The following CREB5 variants were observed in gnomAD, a reference collection of about 807,000 sequenced individuals.
CREB5 encodes cyclic AMP-responsive element-binding protein 5.
A neutral mutation model predicts 57.1 loss-of-function variants in CREB5; 19 were observed. The ratio of observed to expected loss-of-function variants is 0.33; its 90% CI spans 0.23 to 0.49. The LOEUF (loss-of-function observed/expected upper bound fraction) is 0.49. Ranked by LOEUF, CREB5 falls within the 20% of genes least tolerant of loss-of-function variation. The pLI, the probability that CREB5 is intolerant of heterozygous loss-of-function variation, is 0.99. For synonymous variants in CREB5, 238 were observed against 238.3 expected, an observed-to-expected ratio of 1.00 and a Z score of 0.01; for missense variants, 579 against 671.6, an observed-to-expected ratio of 0.86 and a Z score of 1.52.
At chr7:28,758,011 T>C (rs1562620951) in intron 7 of CREB5, among the ~76,000 whole-genome samples, 1 of 152,102 alleles carries the variant, frequency 6.6e-6, no homozygotes, top group Non-Finnish European at 1.5e-5. Flanking sequence ...ATTGTAACAG[T>C]AGTCGTTTTG....
At chr7:28,323,525 C>A (rs1383589037) in intron 1 of CREB5, among the ~76,000 whole-genome samples, 1 of 152,130 alleles carries the variant, frequency 6.6e-6, no homozygotes, top group Non-Finnish European at 1.5e-5. Flanking sequence ...AGTGCCCCTT[C>A]ATCCTCTCAA....
chr7:28,536,032 T>A (rs1050050314), intron 4 of CREB5, among the ~76,000 whole-genome samples: 2 of 152,182 alleles, frequency 1.3e-5, no homozygotes, highest in Non-Finnish European at 2.9e-5. Context: ...CCCTGGGTCT[T>A]TCTTGTGCCT....
chr7:28,719,014 T>C (rs1802867220), intron 6 of CREB5, 135 bp downstream of exon 6: 1 of 1,399,654 alleles, frequency 7.1e-7, no homozygotes, highest in Non-Finnish European at 9.6e-7. Context: ...GGTTGAGCTG[T>C]GTGCAATTTT....
chr7:28,817,146 G>C (rs1809486904), intron 9 of CREB5, among the ~76,000 whole-genome samples: 1 of 152,078 alleles, frequency 6.6e-6, no homozygotes, highest in Admixed American at 6.5e-5. Flanking sequence ...TATTGAGGGG[G>C]GAAAGAGTAT....
intron 7 of CREB5, among the ~76,000 whole-genome samples, chr7:28,749,700 T>C (rs1804873171): frequency 6.6e-6 from 1 of 152,234 alleles, no homozygotes; most frequent in Non-Finnish European, 1.5e-5. Flanking sequence ...TACAACAATG[T>C]CCATAATGAT....
chr7:28,635,710 T>C (rs1351152566), intron 5 of CREB5, among the ~76,000 whole-genome samples: 1 of 152,262 alleles, frequency 6.6e-6, no homozygotes, highest in Non-Finnish European at 1.5e-5. Flanking sequence ...TTTATTATTG[T>C]ACCCACCTGT....
chr7:28,350,522 A>G (rs4722785), intron 1 of CREB5, among the ~76,000 whole-genome samples: 116,937 of 151,284 alleles, frequency 0.77, 45,622 homozygotes, highest in Non-Finnish European at 0.83. Context: ...ATAGTGATTG[A>G]TTCAGGGAGA....
intron 4 of CREB5, among the ~76,000 whole-genome samples, chr7:28,561,019 T>TGTGTGTGCGTGC (rs1562798620): frequency 9.6e-5 from 3 of 31,376 alleles, no homozygotes; most frequent in South Asian, 1.2e-3. Flanking sequence ...TGTGTGTGCG[T>TGTGTGTGCGTGC]GTGTGCGTGT....
chr7:28,632,538 T>C (rs1215258582), intron 5 of CREB5, among the ~76,000 whole-genome samples: 1 of 152,206 alleles, frequency 6.6e-6, no homozygotes, highest in Non-Finnish European at 1.5e-5. Flanking sequence ...TTTTGTTCTT[T>C]AAAAGTTTTG....
At chr7:28,657,855 T>C (rs1053332563) in intron 5 of CREB5, among the ~76,000 whole-genome samples, 1 of 151,948 alleles carries the variant, frequency 6.6e-6, no homozygotes, top group Non-Finnish European at 1.5e-5. Flanking sequence ...CTCATTAGAG[T>C]ACAGTTATAA....
chr7:28,378,119 C>G (rs1227860208), intron 1 of CREB5, among the ~76,000 whole-genome samples: 1 of 152,030 alleles, frequency 6.6e-6, no homozygotes, highest in Non-Finnish European at 1.5e-5. Context: ...ACTGGTTGGT[C>G]ATAGATGGGC....
intron 1 of CREB5, among the ~76,000 whole-genome samples, chr7:28,477,694 A>G (rs560668632): frequency 6.6e-6 from 1 of 152,158 alleles, no homozygotes; most frequent in Non-Finnish European, 1.5e-5. Flanking sequence ...TTTTCCTTCC[A>G]TGTGCTTTTT....
chr7:28,394,106 A>T (rs953109657), intron 1 of CREB5, among the ~76,000 whole-genome samples: 1 of 136,892 alleles, frequency 7.3e-6, no homozygotes, highest in South Asian at 2.4e-4. Context: ...AAAAAAAAAA[A>T]GTGGACTTGG....
intron 1 of CREB5, among the ~76,000 whole-genome samples, chr7:28,388,776 A>G (rs1437428005): frequency 6.6e-6 from 1 of 152,228 alleles, no homozygotes; most frequent in Non-Finnish European, 1.5e-5. Context: ...TAGAGCTGGC[A>G]TTTGTTGTAT....
chr7:28,735,802 CCTCTCT>C (rs893829416), intron 7 of CREB5, among the ~76,000 whole-genome samples: 6 of 151,128 alleles, frequency 4.0e-5, no homozygotes, highest in African/African-American at 1.5e-4. Flanking sequence ...CTGTGTGCTT[CCTCTCT>C]CTCTCTTTTT....
At chr7:28,816,247 G>C (rs1809434651) in intron 9 of CREB5, among the ~76,000 whole-genome samples, 1 of 152,164 alleles carries the variant, frequency 6.6e-6, no homozygotes, top group Non-Finnish European at 1.5e-5. Flanking sequence ...ATTTAGATAG[G>C]TGTAAAGTCA....
chr7:28,516,685 A>G (rs1327752412), intron 4 of CREB5, among the ~76,000 whole-genome samples: 1 of 152,140 alleles, frequency 6.6e-6, no homozygotes, highest in Non-Finnish European at 1.5e-5. Flanking sequence ...AGGTCTGGGG[A>G]AAAGGTAGCT....
Position 28,447,475 on chromosome 7 carries a change from A to G in CREB5, c.3+34558A>G, listed in dbSNP as rs566252389. On this transcript the variant is annotated intron_variant, in intron 1 of 10. Coordinates refer to ENST00000357727, the MANE Select transcript of CREB5 (RefSeq NM_182898.4). ...ACCAACTCATTCAGTGTCTTAGGGT[A>G]TTAGTGTGTTCATGTAGTCATTTGC... Among the ~76,000 whole-genome samples the G allele has an allele frequency of 7.9e-5, 12 of 152,264 alleles. No individual in the cohort carries two copies. In the South Asian group the frequency reaches 2.3e-3, roughly 29 times the overall value.
intron 4 of CREB5, among the ~76,000 whole-genome samples, chr7:28,545,945 G>A (rs780489351): frequency 6.6e-5 from 10 of 152,068 alleles, no homozygotes; most frequent in Non-Finnish European, 8.8e-5. Flanking sequence ...GCAGCATTCC[G>A]TCATCTGAAT....
Sources: allele counts gnomAD v4.1 joint callset (sites outside exome capture counted in the v4.1 genomes callset), GRCh38; gene constraint gnomAD v4.1.1; transcripts MANE v1.5; gene names NCBI Gene and HGNC (gene_info 2026-07-23, HGNC 2026-07-21).